Variants in ACTL8 observed in about 807,000 individuals in gnomAD.
ACTL8 encodes the protein actin-like protein 8.
ACTL8 carries 3 observed loss-of-function variants against 9.3 expected under a neutral mutation model. The observed-to-expected ratio is 0.32, with a 90% CI of 0.15 to 0.83. The LOEUF (loss-of-function observed/expected upper bound fraction) is 0.83, where lower values mean the gene tolerates loss of function less well. Ranked by LOEUF, ACTL8 falls within the 40% of genes least tolerant of loss-of-function variation. The pLI, the probability that ACTL8 is intolerant of heterozygous loss-of-function variation, is 0.57. For synonymous variants in ACTL8, 224 were observed against 205.9 expected, an observed-to-expected ratio of 1.09 and a Z score of -0.75; for missense variants, 381 against 492.2, an observed-to-expected ratio of 0.77 and a Z score of 2.14.
At chr1:17,758,277 T>C (rs985257956) in intron 1 of ACTL8, among the ~76,000 whole-genome samples, 1 of 152,204 alleles carries the variant, frequency 6.6e-6, no homozygotes, top group African/African-American at 2.4e-5. Context: ...CAGGAATGTA[T>C]GGGAAGGCAG....
chr1:17,805,544 C>A (rs1363278722), intron 1 of ACTL8, among the ~76,000 whole-genome samples: 1 of 151,788 alleles, frequency 6.6e-6, no homozygotes, highest in African/African-American at 2.4e-5. Flanking sequence ...CCATGCCCAG[C>A]CAATTTTTGT....
intron 1 of ACTL8, among the ~76,000 whole-genome samples, chr1:17,777,587 C>T (rs1312536494): frequency 6.6e-6 from 1 of 152,172 alleles, no homozygotes; most frequent in Non-Finnish European, 1.5e-5. Context: ...GGAGCCATTC[C>T]AGGCTGTGCT....
intron 1 of ACTL8, among the ~76,000 whole-genome samples, chr1:17,821,872 C>T (rs1308779954): frequency 2.0e-5 from 3 of 152,148 alleles, no homozygotes; most frequent in Non-Finnish European, 4.4e-5. Context: ...GTGATCTGGC[C>T]GCCTTGGCCT....
At chr1:17,764,575 CA>C (rs371338809) in intron 1 of ACTL8, among the ~76,000 whole-genome samples, 1 of 82,574 alleles carries the variant, frequency 1.2e-5, no homozygotes, top group Non-Finnish European at 3.2e-5. Flanking sequence ...AGCTTCTGGG[CA>C]CCCCCCCACA....
intron 1 of ACTL8, among the ~76,000 whole-genome samples, chr1:17,817,846 G>A (rs1318028016): frequency 6.6e-6 from 1 of 152,056 alleles, no homozygotes; most frequent in Non-Finnish European, 1.5e-5. Context: ...GATTACAGGT[G>A]CGTGCCACCA....
intron 1 of ACTL8, among the ~76,000 whole-genome samples, chr1:17,818,099 T>C (rs887422892): frequency 3.3e-5 from 5 of 152,212 alleles, no homozygotes; most frequent in Non-Finnish European, 4.4e-5. Flanking sequence ...ACTTAACATG[T>C]CCCAAATAAA....
chr1:17,790,484 A>C lies in ACTL8; in HGVS notation c.-24-32501A>C, dbSNP rs555858085. On this transcript the variant is annotated intron_variant, in intron 1 of 2. Coordinates refer to ENST00000375406, the MANE Select transcript of ACTL8 (RefSeq NM_030812.3). ...AAATATAGCTCAGTGGAGGCCCTGGAGTGGGTAACTCCTCTCTGCAGCCTG... is the reference window on the plus strand; with the variant it reads ...AAATATAGCTCAGTGGAGGCCCTGGCGTGGGTAACTCCTCTCTGCAGCCTG... 1.5e-3 allele frequency among the ~76,000 whole-genome samples: 228 copies of C among 152,316 alleles called. 13 individuals carry two copies. The South Asian group carries it at 0.045, about 30-fold the overall frequency.
intron 1 of ACTL8, among the ~76,000 whole-genome samples, chr1:17,777,693 A>G (rs950829196): frequency 6.6e-6 from 1 of 152,150 alleles, no homozygotes; most frequent in Non-Finnish European, 1.5e-5. Context: ...AGAAAGTGCC[A>G]TCTGAGGCCG....
Position 17,818,503 on chromosome 1 carries a change from T to G in ACTL8, c.-24-4482T>G, listed in dbSNP as rs189860171. 2.7e-3 allele frequency among the ~76,000 whole-genome samples: 414 copies of G among 152,316 alleles called. 2 individuals are homozygous for G. The highest frequency in any genetic ancestry group is 7.7e-3 in the African/African-American group (321 of 41,566). On this transcript the variant is annotated intron_variant, in intron 1 of 2. Coordinates refer to ENST00000375406, the MANE Select transcript of ACTL8 (RefSeq NM_030812.3). ...AGGCTTGCAAGGCCCTTCTCAGATC[T>G]CCAGTATCCTCCCTCCACTCACCGT...
At chr1:17,804,615 T>C (rs1183893555) in intron 1 of ACTL8, among the ~76,000 whole-genome samples, 1 of 151,906 alleles carries the variant, frequency 6.6e-6, no homozygotes. Flanking sequence ...TCTTTTTTTT[T>C]TTTTCTTTTG....
chr1:17,769,916 T>C (rs749440048), intron 1 of ACTL8, among the ~76,000 whole-genome samples: 4 of 152,256 alleles, frequency 2.6e-5, no homozygotes, highest in Non-Finnish European at 4.4e-5. Context: ...AGTAGCTCCA[T>C]GGCCTGAAAC....
chr1:17,823,151 G>A lies in ACTL8; in HGVS notation c.143G>A (p.Arg48His), dbSNP rs376144648. Residue 48 changes from arginine to histidine, a missense_variant, in exon 2 of 3, where the codon CGT (arginine) becomes CAT (histidine). Transcript: ENST00000375406. This position sits in a 1 kb window ranked among gnomAD's most constrained non-coding sequence, Gnocchi z 5.3. ...GAGAACCCTGGCCCCAGCTATGCCC[G>A]TAGGCGTGTGAGCCTGGGCATCGAC... ...CKENPGPSYA[R>H]RRVSLGIDIC... is the part of the protein sequence containing the mutation. The A allele has an allele frequency of 1.3e-4, 203 of 1,614,220 alleles. No homozygotes were observed. Among genetic ancestry groups the A allele is most frequent in the South Asian group, 5.3e-4 (48 of 91,086 alleles).
At chr1:17,800,025 A>G (rs1034502535) in intron 1 of ACTL8, among the ~76,000 whole-genome samples, 1 of 152,216 alleles carries the variant, frequency 6.6e-6, no homozygotes, top group African/African-American at 2.4e-5. Context: ...CTCGGAGGCC[A>G]GAAGTTTTGC....
intron 1 of ACTL8, among the ~76,000 whole-genome samples, chr1:17,818,389 C>T (rs1048988789): frequency 2.0e-5 from 3 of 152,152 alleles, no homozygotes; most frequent in Non-Finnish European, 4.4e-5. Context: ...TTCTATTGGC[C>T]GAAGTGATCC....
intron 1 of ACTL8, among the ~76,000 whole-genome samples, chr1:17,811,270 C>T (rs1040507358): frequency 6.6e-6 from 1 of 152,106 alleles, no homozygotes; most frequent in Non-Finnish European, 1.5e-5. Context: ...AATCTTTGGC[C>T]CATCTTTGGA....
intron 2 of ACTL8, among the ~76,000 whole-genome samples, chr1:17,824,739 G>A (rs1239239282): frequency 2.0e-5 from 3 of 152,166 alleles, no homozygotes; most frequent in Non-Finnish European, 4.4e-5. Context: ...AACCCTTACT[G>A]TCTATCCCTT....
intron 1 of ACTL8, among the ~76,000 whole-genome samples, chr1:17,785,669 A>G (rs1190929056): frequency 6.6e-6 from 1 of 152,122 alleles, no homozygotes; most frequent in African/African-American, 2.4e-5. Flanking sequence ...GCTAGTTTAT[A>G]TCTGCTATTC....
chr1:17,780,744 T>G (rs2066148955), intron 1 of ACTL8, among the ~76,000 whole-genome samples: 3 of 133,756 alleles, frequency 2.2e-5, no homozygotes, highest in Admixed American at 7.9e-5. Flanking sequence ...GGGAGTGTGT[T>G]TTGGGGGTGG....
At chr1:17,773,440 C>G (rs1041732148) in intron 1 of ACTL8, among the ~76,000 whole-genome samples, 4 of 152,330 alleles carry the variant, frequency 2.6e-5, no homozygotes, top group Admixed American at 2.6e-4. Context: ...TTTCCTAGCA[C>G]GCAGCAAGCA....
Sources: gnomAD v4.1 joint callset for allele counts (sites outside exome capture counted in the v4.1 genomes callset) on GRCh38, gnomAD v4.1.1 for gene constraint, Gnocchi (gnomAD v3.1) non-coding constraint, MANE v1.5 for transcripts, NCBI Gene and HGNC (gene_info 2026-07-23, HGNC 2026-07-21) for gene names.